STRBP: variants seen among roughly 807,000 people sequenced by gnomAD.
STRBP encodes spermatid perinuclear RNA binding protein, also known as spermatid perinuclear RNA-binding protein.
In STRBP, 13 loss-of-function variants were observed where a neutral mutation model predicts 80.1. The observed-to-expected ratio is 0.16, with a 90% CI of 0.11 to 0.26. The LOEUF (loss-of-function observed/expected upper bound fraction) is 0.26, where lower values mean the gene tolerates loss of function less well. Ranked by LOEUF, STRBP falls within the 10% of genes least tolerant of loss-of-function variation. STRBP has a pLI of 1.00. For missense variants in STRBP, 485 were observed against 815.2 expected (o/e 0.59, Z 4.93); for synonymous variants, 284 against 291.2 (o/e 0.98, Z 0.25).
intron 2 of STRBP, among the ~76,000 whole-genome samples, chr9:123,213,343 T>C (rs2039778650): frequency 6.6e-6 from 1 of 152,116 alleles, no homozygotes; most frequent in Non-Finnish European, 1.5e-5. Context: ...AACTGATAAA[T>C]GGAAAAGTAC....
chr9:123,177,326 G>T (rs567663418), intron 4 of STRBP, among the ~76,000 whole-genome samples: 79 of 152,270 alleles, frequency 5.2e-4, no homozygotes, highest in Middle Eastern at 3.4e-3. Flanking sequence ...CAGCACTTTG[G>T]GAGGCCAAGG....
At chr9:123,241,148 C>T (rs1156392271) in intron 1 of STRBP, among the ~76,000 whole-genome samples, 2 of 148,816 alleles carry the variant, frequency 1.3e-5, no homozygotes, top group African/African-American at 5.0e-5. Flanking sequence ...CATGGTACTC[C>T]AGCCTGGGCA....
intron 2 of STRBP, among the ~76,000 whole-genome samples, 184 bp downstream of exon 2, chr9:123,236,646 A>G (rs1001341166): frequency 6.6e-6 from 1 of 151,988 alleles, no homozygotes; most frequent in African/African-American, 2.4e-5. Context: ...TAAAAATTGA[A>G]TAGGATTTTC....
At chr9:123,192,497 G>A (rs948483290) in intron 2 of STRBP, among the ~76,000 whole-genome samples, 3 of 152,224 alleles carry the variant, frequency 2.0e-5, no homozygotes, top group South Asian at 4.2e-4. Flanking sequence ...TCCGTCGGGA[G>A]GCTGAAGTAG....
At chr9:123,156,668 A>G (rs1008059141) in intron 11 of STRBP, among the ~76,000 whole-genome samples, 2 of 151,092 alleles carry the variant, frequency 1.3e-5, no homozygotes, top group Non-Finnish European at 3.0e-5. Context: ...AAAGAAAGAG[A>G]GAAAAAGGCC....
intron 2 of STRBP, chr9:123,213,512 C>T (rs534245830): frequency 6.6e-6 from 1 of 152,296 alleles, no homozygotes; most frequent in South Asian, 2.1e-4. Flanking sequence ...ATTTAATCCT[C>T]AAAAACCATC....
Position 123,122,457 on chromosome 9 carries a change from A to T in STRBP, c.*3140T>A. 2.5e-6 allele frequency: 3 copies of T among 1,186,564 alleles called. No homozygotes were observed. The highest frequency in any genetic ancestry group is 3.1e-5 in the South Asian group (2 of 63,538). The allele number at this position is 1,186,564 out of a possible 1,614,324, so 73.5% of individuals were successfully genotyped here. ...CCCAAAATTAAAAAAAAAAAAAAAA[A>T]GAAAAGGCCAATACCAGCAAAATCT... On this transcript the variant is annotated 3_prime_UTR_variant, in exon 19 of 19. Transcript: ENST00000348403.
intron 6 of STRBP, among the ~76,000 whole-genome samples, chr9:123,161,962 G>A (rs549488082): frequency 6.6e-6 from 1 of 152,120 alleles, no homozygotes; most frequent in Non-Finnish European, 1.5e-5. Flanking sequence ...ATATGCAAAT[G>A]CTTCTTGAGT....
chr9:123,119,746 A>T (rs1331655461), downstream of STRBP, among the ~76,000 whole-genome samples: 1 of 152,022 alleles, frequency 6.6e-6, no homozygotes, highest in East Asian at 1.9e-4. Context: ...CTGAGTACGT[A>T]CTCTGCACCA....
chr9:123,216,335 G>A (rs1482138006), intron 2 of STRBP, among the ~76,000 whole-genome samples: 1 of 152,152 alleles, frequency 6.6e-6, no homozygotes, highest in Admixed American at 6.5e-5. Context: ...ATATCACAAT[G>A]CCTAGATAGT....
At chr9:123,237,151 A>G (rs1438553538) in intron 1 of STRBP, among the ~76,000 whole-genome samples, 185 bp from the exon 2 acceptor site, 1 of 152,176 alleles carries the variant, frequency 6.6e-6, no homozygotes, top group Admixed American at 6.5e-5. Flanking sequence ...ACAACAACAA[A>G]AAAGCAAGAG....
At chr9:123,173,649 C>A (rs749314631) in intron 5 of STRBP, 28 bp downstream of exon 5, 11 of 1,569,782 alleles carry the variant, frequency 7.0e-6, no homozygotes, top group Non-Finnish European at 8.6e-6. Context: ...TACAAATTCG[C>A]CTAGAGGTGC....
chr9:123,125,322 GA>G lies in STRBP; in HGVS notation c.*274del. On this transcript the variant is annotated 3_prime_UTR_variant, in exon 19 of 19. Transcript: ENST00000348403. ...ATACGTCTCTTAAAACTTAAACTTT[GA>G]ACTGCTAGACTTTTATTTCCCTAGA... 1 of 1,113,502 alleles carries G rather than the reference GA, an allele frequency of 9.0e-7. No homozygotes were observed. Among genetic ancestry groups the G allele is most frequent in the African/African-American group, 1.6e-5 (1 of 61,312 alleles). The allele number at this position is 1,113,502 out of a possible 1,614,324, so 69.0% of individuals were successfully genotyped here.
intron 13 of STRBP, among the ~76,000 whole-genome samples, chr9:123,144,591 G>GA (rs1331766004): frequency 6.6e-6 from 1 of 152,048 alleles, no homozygotes; most frequent in Admixed American, 6.5e-5. Flanking sequence ...AGGCTTGGAA[G>GA]AAAAAATACC....
Position 123,136,634 on chromosome 9 carries a change from G to T in STRBP, c.1498-119C>A. The T allele has an allele frequency of 8.6e-7, 1 of 1,160,554 alleles. No individual in the cohort carries two copies. The highest frequency in any genetic ancestry group is 1.2e-6 in the Non-Finnish European group (1 of 843,190). 71.9% of individuals were successfully genotyped at this position (1,160,554 alleles called of 1,614,324 possible). On this transcript the variant is annotated intron_variant, in intron 14 of 18. Transcript: ENST00000348403. The surrounding 1 kb of genome is among the most constrained non-coding windows in gnomAD (Gnocchi z 4.2). Reference sequence around the variant, plus strand: ...AAATTCTACTTCAAAGCACTCAGGGGCTAGAATGAGTCACCTCTTTACACA... The same window carrying T: ...AAATTCTACTTCAAAGCACTCAGGGTCTAGAATGAGTCACCTCTTTACACA...
intron 1 of STRBP, among the ~76,000 whole-genome samples, chr9:123,256,116 T>C (rs2041024507): frequency 1.3e-5 from 2 of 148,656 alleles, no homozygotes; most frequent in South Asian, 2.1e-4. Flanking sequence ...TTTAACCTCT[T>C]GGGTTCAAGC....
At chr9:123,179,249 C>A in intron 3 of STRBP, 22 bp from the exon 4 acceptor site, 1 of 1,578,072 alleles carries the variant, frequency 6.3e-7, no homozygotes, top group Non-Finnish European at 8.7e-7. Flanking sequence ...AGAACGAAAA[C>A]AATTACTTCA....
chr9:123,262,640 T>C (rs548892227), intron 1 of STRBP, among the ~76,000 whole-genome samples: 1 of 152,338 alleles, frequency 6.6e-6, no homozygotes, highest in East Asian at 1.9e-4. Context: ...AGAAAGCAGA[T>C]GTTTTACACA....
Position 123,125,561 on chromosome 9 carries a change from T to C in STRBP, c.*36A>G, listed in dbSNP as rs1314582875. The stretch of plus-strand genomic sequence containing the variant: ...TTCTCTAACATTCTGTGTTGTACTG[T>C]ATTGTTGTTCAATAGGAATTAGCTT... On this transcript the variant is annotated 3_prime_UTR_variant, in exon 19 of 19. Transcript: ENST00000348403. 6.2e-7 allele frequency: 1 copy of C among 1,608,518 alleles called. No individual in the cohort carries two copies. Among genetic ancestry groups the C allele is most frequent in the Non-Finnish European group, 8.5e-7 (1 of 1,178,104 alleles).
Sources: gnomAD v4.1 joint callset for allele counts (sites outside exome capture counted in the v4.1 genomes callset) on GRCh38, gnomAD v4.1.1 for gene constraint, Gnocchi (gnomAD v3.1) non-coding constraint, MANE v1.5 for transcripts, NCBI Gene and HGNC (gene_info 2026-07-23, HGNC 2026-07-21) for gene names.